RAPH1: variants seen among roughly 807,000 people sequenced by gnomAD.
The protein encoded by RAPH1 is ras-associated and pleckstrin homology domains-containing protein 1.
A neutral mutation model predicts 88.1 loss-of-function variants in RAPH1; 18 were observed. That is an observed-to-expected ratio of 0.20 (90% CI 0.14 to 0.30). RAPH1 has a LOEUF of 0.30. Among genes scored for constraint, RAPH1 ranks in the 10% least tolerant of loss-of-function variants. The probability of loss-of-function intolerance (pLI) is 1.00; values close to 1 mark genes in which losing one functional copy is unlikely to be tolerated. For missense variants in RAPH1, 1,448 were observed against 1,543.2 expected, an observed-to-expected ratio of 0.94 and a Z score of 1.03; for synonymous variants, 587 against 559.0, an observed-to-expected ratio of 1.05 and a Z score of -0.71.
chr2:203,509,731 G>A (rs1194144028), intron 1 of RAPH1, among the ~76,000 whole-genome samples: 1 of 152,170 alleles, frequency 6.6e-6, no homozygotes, highest in Non-Finnish European at 1.5e-5. Context: ...TAATGTTGGA[G>A]GTGGGGCCTG....
chr2:203,513,711 TATA>T (rs1689467073), intron 1 of RAPH1, among the ~76,000 whole-genome samples: 1 of 148,772 alleles, frequency 6.7e-6, no homozygotes, highest in Non-Finnish European at 1.5e-5. Flanking sequence ...GGCAGGCGCC[TATA>T]ATACCAGCTA....
In RAPH1 at chr2:203,454,523, C is replaced by A. The variant is rs759936432; in HGVS notation, c.1320G>T (p.Val440=). The change falls in exon 10 of 14, where the codon GTG becomes GTT. Residue 440 remains valine (V), a synonymous_variant. Transcript: ENST00000319170. The stretch of plus-strand genomic sequence containing the variant: ...TGACATGATCCAGCTGGAGAAAGCA[C>A]ACCAGATCCCGAGAGACCTAAGATA... The part of the protein sequence containing the change: ...KGKAKVSRDL[V]CFLQLDHVNV... The A allele has an allele frequency of 1.2e-6, 2 of 1,613,142 alleles. No individual in the cohort carries two copies. Among genetic ancestry groups the A allele is most frequent in the Non-Finnish European group, 1.7e-6 (2 of 1,179,556 alleles).
At chr2:203,529,994 T>G (rs745853817) in intron 1 of RAPH1, among the ~76,000 whole-genome samples, 3 of 152,234 alleles carry the variant, frequency 2.0e-5, no homozygotes, top group Non-Finnish European at 2.9e-5. Context: ...CTCTCTATTG[T>G]GGAGAACAGA....
chr2:203,462,926 C>T (rs1052131814), intron 4 of RAPH1, among the ~76,000 whole-genome samples: 2 of 151,966 alleles, frequency 1.3e-5, no homozygotes, highest in African/African-American at 2.4e-5. Flanking sequence ...TTTGGTTGGG[C>T]GTGTTGGCTC....
chr2:203,523,055 A>G (rs558499065), intron 1 of RAPH1, among the ~76,000 whole-genome samples: 1 of 152,276 alleles, frequency 6.6e-6, no homozygotes, highest in Admixed American at 6.5e-5. Flanking sequence ...CAGAATGGAA[A>G]GTCCAGGAAT....
In RAPH1 at chr2:203,461,871, T is replaced by C; in HGVS notation, c.787A>G (p.Ile263Val). The C allele has an allele frequency of 6.2e-7, 1 of 1,608,552 alleles. No homozygotes were observed. The highest frequency in any genetic ancestry group is 8.5e-7 in the Non-Finnish European group (1 of 1,177,442). The change falls in exon 5 of 14, where the codon ATT (isoleucine) becomes GTT (valine). Residue 263 changes from isoleucine (I) to valine (V), a missense_variant. Coordinates refer to ENST00000319170, the MANE Select transcript of RAPH1 (RefSeq NM_213589.3). ...ACCTTTTTCACTTGTGCCTCTTTAA[T>C]TTTCTCTAGGGCAACTCTGATCTTC... ...AEKIRVALEK[I>V]KEAQVKKLVI...
At chr2:203,443,858 T>C (rs2098506553) in intron 13 of RAPH1, 1 of 152,058 alleles carries the variant, frequency 6.6e-6, no homozygotes, top group African/African-American at 2.4e-5. Context: ...TGTGCACCTG[T>C]AGTCCCAACT....
intron 1 of RAPH1, among the ~76,000 whole-genome samples, chr2:203,505,732 T>C (rs1320130615): frequency 6.6e-6 from 1 of 152,210 alleles, no homozygotes; most frequent in East Asian, 1.9e-4. Flanking sequence ...TTCCAGATTC[T>C]CAATTTCAAG....
At chr2:203,497,085 T>A (rs984996853) in intron 1 of RAPH1, among the ~76,000 whole-genome samples, 2 of 152,218 alleles carry the variant, frequency 1.3e-5, no homozygotes, top group African/African-American at 4.8e-5. Context: ...GATTGGGCCA[T>A]AAAGGCTCCT....
intron 12 of RAPH1, 99 bp downstream of exon 12, chr2:203,447,860 G>A: frequency 7.7e-7 from 1 of 1,300,204 alleles, no homozygotes; most frequent in Non-Finnish European, 1.1e-6. Flanking sequence ...TATGGCTCCG[G>A]TTTTTAAGAA....
intron 4 of RAPH1, among the ~76,000 whole-genome samples, chr2:203,487,265 C>A (rs1172082633): frequency 6.6e-6 from 1 of 152,176 alleles, no homozygotes; most frequent in Non-Finnish European, 1.5e-5. Flanking sequence ...GAAAGCACAT[C>A]CCTAATAAAA....
intron 1 of RAPH1, among the ~76,000 whole-genome samples, chr2:203,503,265 A>G (rs1688820334): frequency 6.6e-6 from 1 of 152,190 alleles, no homozygotes; most frequent in Non-Finnish European, 1.5e-5. Flanking sequence ...TTAAACCGCA[A>G]ACAGGAACTC....
rs2098502125 is a variant in RAPH1 at position 203,440,155 on chromosome 2, G to A, written c.3035C>T (p.Ser1012Phe). ...AGGTGGTAGGGTCTCCTTGCTGGGA[G>A]ACCCTGATTCTGCTGGCGGTGTAAA... ...SKFTPPAESGSPSKETLPPPA... is the reference protein window; with the variant it reads ...SKFTPPAESGFPSKETLPPPA... Residue 1012 changes from serine (S) to phenylalanine (F), a missense_variant, in exon 14 of 14, where the codon TCT becomes TTT. Physicochemically the swap from Ser to Phe is radical, Grantham distance 155. This residue lies in a region of RAPH1 where 935 missense variants were observed against 890.1 expected (regional missense o/e 1.05). Coordinates refer to ENST00000319170, the MANE Select transcript of RAPH1 (RefSeq NM_213589.3). 1.9e-6 allele frequency: 3 copies of A among 1,613,740 alleles called. No individual in the cohort carries two copies. Among genetic ancestry groups the A allele is most frequent in the Non-Finnish European group, 2.5e-6 (3 of 1,179,996 alleles).
intron 4 of RAPH1, among the ~76,000 whole-genome samples, 188 bp from the exon 5 acceptor site, chr2:203,462,113 C>G (rs1006554952): frequency 6.6e-6 from 1 of 152,152 alleles, no homozygotes; most frequent in Admixed American, 6.5e-5. Context: ...TAGATGCAGA[C>G]TTGAAGATGT....
At chr2:203,534,841 C>G (rs1433216971) in intron 1 of RAPH1, among the ~76,000 whole-genome samples, 2 of 151,900 alleles carry the variant, frequency 1.3e-5, no homozygotes, top group East Asian at 3.9e-4. Context: ...CCCCTTATCT[C>G]ATTGTCTCCC....
chr2:203,440,130 A>T lies in RAPH1; in HGVS notation c.3060T>A (p.Pro1020=). Reference sequence around the variant, plus strand: ...TTCCAGGCTTGGGGGGTGCTGCAGGAGGTGGTAGGGTCTCCTTGCTGGGAG... The same window carrying T: ...TTCCAGGCTTGGGGGGTGCTGCAGGTGGTGGTAGGGTCTCCTTGCTGGGAG... The part of the protein sequence containing the change: ...SGSPSKETLP[P]PAAPPKPGKL... The change falls in exon 14 of 14, where the codon CCT becomes CCA. Residue 1020 remains proline (P), a synonymous_variant. Coordinates refer to ENST00000319170, the MANE Select transcript of RAPH1 (RefSeq NM_213589.3). 6.2e-7 allele frequency: 1 copy of T among 1,613,284 alleles called. No homozygotes were observed. Among genetic ancestry groups the T allele is most frequent in the Non-Finnish European group, 8.5e-7 (1 of 1,179,928 alleles).
chr2:203,514,276 C>T (rs1167139569), intron 1 of RAPH1, among the ~76,000 whole-genome samples: 4 of 152,222 alleles, frequency 2.6e-5, no homozygotes, highest in Admixed American at 2.6e-4. Flanking sequence ...GCTATCTGCT[C>T]TGCCCTAGTT....
chr2:203,503,752 G>A (rs1450048680), intron 1 of RAPH1, among the ~76,000 whole-genome samples: 1 of 152,178 alleles, frequency 6.6e-6, no homozygotes, highest in East Asian at 1.9e-4. Context: ...TTCTGCCTAT[G>A]AGCCTATAAA....
intron 10 of RAPH1, among the ~76,000 whole-genome samples, 166 bp from the exon 11 acceptor site, chr2:203,449,002 A>C (rs2098512441): frequency 6.6e-6 from 1 of 152,250 alleles, no homozygotes; most frequent in South Asian, 2.1e-4. Context: ...AGCCCATAAG[A>C]ATTTTTACAA....
Sources: gnomAD v4.1 joint callset for allele counts (sites outside exome capture counted in the v4.1 genomes callset) on GRCh38, gnomAD v4.1.1 for gene constraint, gnomAD v4.1.1 regional missense constraint, MANE v1.5 for transcripts, NCBI Gene and HGNC (gene_info 2026-07-23, HGNC 2026-07-21) for gene names.